The following INPP4B variants were observed in gnomAD, a reference collection of about 807,000 sequenced individuals.
The protein encoded by INPP4B is inositol polyphosphate-4-phosphatase type II B.
INPP4B carries 55 observed loss-of-function variants against 122.5 expected under a neutral mutation model. The observed-to-expected ratio is 0.45, with a 90% confidence interval of 0.36 to 0.56. The LOEUF (loss-of-function observed/expected upper bound fraction) is 0.56, where lower values mean the gene tolerates loss of function less well. INPP4B is among the 20% of genes least tolerant of loss of function. The pLI is 0.00. For synonymous variants in INPP4B, 403 were observed against 388.7 expected, an observed-to-expected ratio of 1.04 and a Z score of -0.43; for missense variants, 1,000 against 1,097.7, an observed-to-expected ratio of 0.91 and a Z score of 1.26.
At chr4:142,597,972 G>A (rs553760229) in intron 2 of INPP4B, among the ~76,000 whole-genome samples, 1 of 152,238 alleles carries the variant, frequency 6.6e-6, no homozygotes, top group African/African-American at 2.4e-5. Context: ...ATCAAGAAAA[G>A]TGAAGCAATT....
intron 2 of INPP4B, among the ~76,000 whole-genome samples, chr4:142,556,200 C>T (rs1373072895): frequency 6.6e-6 from 1 of 152,138 alleles, no homozygotes. Context: ...AAAGGTGTGG[C>T]TCCTGAGCAT....
At chr4:142,824,931 C>CT (rs200615803) in intron 1 of INPP4B, among the ~76,000 whole-genome samples, 348 of 151,572 alleles carry the variant, frequency 2.3e-3, no homozygotes, top group Middle Eastern at 0.017. Context: ...GTGTTGAGGA[C>CT]TTTTTTTTAA....
chr4:142,561,001 TATC>T (rs1287117406), intron 2 of INPP4B, among the ~76,000 whole-genome samples: 3 of 152,226 alleles, frequency 2.0e-5, no homozygotes, highest in Non-Finnish European at 4.4e-5. Context: ...ACCTTTTTAT[TATC>T]ATTTGTTTTT....
chr4:142,192,962 T>G, intron 15 of INPP4B, 125 bp downstream of exon 15: 1 of 565,874 alleles, frequency 1.8e-6, no homozygotes, highest in South Asian at 2.9e-5. Flanking sequence ...AACAACTCTA[T>G]GTTACTAAAT....
chr4:142,247,461 C>T (rs945202156), intron 11 of INPP4B, among the ~76,000 whole-genome samples: 145 of 152,260 alleles, frequency 9.5e-4, no homozygotes, highest in African/African-American at 3.4e-3. Context: ...ATTACTGCCT[C>T]AATTTCAAAA....
intron 11 of INPP4B, among the ~76,000 whole-genome samples, chr4:142,259,527 T>C (rs1002383018): frequency 3.3e-5 from 5 of 151,312 alleles, no homozygotes; most frequent in Non-Finnish European, 7.4e-5. Context: ...GTGGAAAAAA[T>C]TGTTATAATT....
chr4:142,840,175 G>A (rs1020430325), intron 1 of INPP4B, among the ~76,000 whole-genome samples: 6 of 152,040 alleles, frequency 3.9e-5, no homozygotes, highest in Non-Finnish European at 5.9e-5. Context: ...ACTGGTGACC[G>A]GGTCATCACT....
At chr4:142,632,208 T>TG (rs1228321446) in intron 2 of INPP4B, among the ~76,000 whole-genome samples, 1 of 152,100 alleles carries the variant, frequency 6.6e-6, no homozygotes, top group Admixed American at 6.6e-5. Context: ...GCATCCGACA[T>TG]GGGGTCACCT....
rs943708899 is a variant in INPP4B at position 142,025,493 on chromosome 4, T to C, written c.*3289A>G. ...TTTCTGGTACTTTAATTATCAACTT[T>C]TATGCATCAGAACGAGCTAGTTCCA... On this transcript the variant is annotated 3_prime_UTR_variant, in exon 26 of 26. Transcript: ENST00000262992. 6.6e-6 allele frequency: 1 copy of C among 152,202 alleles called. No individual in the cohort carries two copies. The highest frequency in any genetic ancestry group is 1.5e-5 in the Non-Finnish European group (1 of 68,030). The allele number at this position is 152,202 out of a possible 1,614,324, so 9.4% of individuals were successfully genotyped here. A position where few individuals can be genotyped will look rare whatever the true frequency, so the allele number is the denominator to read the frequency against.
chr4:142,382,073 C>G (rs907576634), intron 7 of INPP4B, among the ~76,000 whole-genome samples: 2 of 152,054 alleles, frequency 1.3e-5, no homozygotes, highest in African/African-American at 4.8e-5. Context: ...ACATTCCTCT[C>G]CATAAAAAAT....
chr4:142,499,547 A>G (rs754052296), intron 2 of INPP4B, among the ~76,000 whole-genome samples: 2 of 152,184 alleles, frequency 1.3e-5, no homozygotes, highest in Non-Finnish European at 2.9e-5. Flanking sequence ...TTATGAGATA[A>G]TTTTGCATTT....
At chr4:142,226,973 C>T (rs576726484) in intron 12 of INPP4B, among the ~76,000 whole-genome samples, 1 of 152,080 alleles carries the variant, frequency 6.6e-6, no homozygotes, top group East Asian at 1.9e-4. Context: ...GCTTTAGACA[C>T]GTTGAGTTGG....
intron 17 of INPP4B, among the ~76,000 whole-genome samples, chr4:142,152,307 G>C (rs982282909): frequency 4.6e-5 from 7 of 151,668 alleles, no homozygotes; most frequent in African/African-American, 1.7e-4. Flanking sequence ...GATCTCCTGA[G>C]CTCATGATCC....
chr4:142,178,830 T>A (rs1178477248), intron 15 of INPP4B, among the ~76,000 whole-genome samples: 4 of 39,424 alleles, frequency 1.0e-4, no homozygotes, highest in Non-Finnish European at 1.7e-4. Flanking sequence ...CAAACCCTAC[T>A]TGTAAAAAAA....
intron 15 of INPP4B, among the ~76,000 whole-genome samples, chr4:142,175,768 A>T (rs1827857612): frequency 6.6e-6 from 1 of 152,150 alleles, no homozygotes; most frequent in Admixed American, 6.6e-5. Flanking sequence ...CTCAGGCTGG[A>T]TGTAAAGTTT....
At chr4:142,093,732 CT>C (rs1245594692) in intron 23 of INPP4B, among the ~76,000 whole-genome samples, 1 of 152,038 alleles carries the variant, frequency 6.6e-6, no homozygotes, top group African/African-American at 2.4e-5. Flanking sequence ...CCAAAACCAG[CT>C]TTATTTAAAT....
chr4:142,721,810 G>A (rs1258831531), intron 2 of INPP4B, among the ~76,000 whole-genome samples: 1 of 152,102 alleles, frequency 6.6e-6, no homozygotes, highest in African/African-American at 2.4e-5. Context: ...GACAGAGAGA[G>A]ACTCCGTCTT....
At chr4:142,215,690 G>A (rs1846823648) in intron 12 of INPP4B, among the ~76,000 whole-genome samples, 1 of 151,720 alleles carries the variant, frequency 6.6e-6, no homozygotes. Flanking sequence ...TCAGGAGATT[G>A]AGACCATCCT....
chr4:142,714,911 A>T (rs1056057812), intron 2 of INPP4B, among the ~76,000 whole-genome samples: 1 of 152,236 alleles, frequency 6.6e-6, no homozygotes, highest in Non-Finnish European at 1.5e-5. Context: ...ACAGAAACTA[A>T]TGTTAATAAG....
Sources: gnomAD v4.1 joint callset for allele counts (sites outside exome capture counted in the v4.1 genomes callset) on GRCh38, gnomAD v4.1.1 for gene constraint, MANE v1.5 for transcripts, NCBI Gene and HGNC (gene_info 2026-07-23, HGNC 2026-07-21) for gene names.